The following TENM2 variants were observed in gnomAD, a reference collection of about 807,000 sequenced individuals.
The protein encoded by TENM2 is teneurin transmembrane protein 2.
A neutral mutation model predicts 245.2 loss-of-function variants in TENM2; 52 were observed. The ratio of observed to expected loss-of-function variants is 0.21; its 90% CI spans 0.17 to 0.27. The LOEUF is 0.27. Ranked by LOEUF, TENM2 falls within the 10% of genes least tolerant of loss-of-function variation. TENM2 has a pLI of 1.00. For synonymous variants in TENM2, 1,363 were observed against 1,438.9 expected (o/e 0.95, Z 1.19); for missense variants, 3,046 against 3,666.8 (o/e 0.83, Z 4.37).
At chr5:168,002,269 G>A (rs1037495216) in intron 5 of TENM2, among the ~76,000 whole-genome samples, 4 of 152,108 alleles carry the variant, frequency 2.6e-5, no homozygotes, top group Admixed American at 6.5e-5. Flanking sequence ...GGGGAGATTC[G>A]TGCAAACATG....
In TENM2 at chr5:168,062,154, G is replaced by A. The variant is rs941694407; in HGVS notation, c.1404G>A (p.Arg468=). 3 of 1,613,514 alleles carry A rather than the reference G, an allele frequency of 1.9e-6. No individual in the cohort carries two copies. The Admixed American group carries it at 5.0e-5, about 27-fold the overall frequency. The stretch of plus-strand genomic sequence containing the variant: ...AAGTCCCACCAGGGGTGTTTTGGAG[G>A]TCACAAATTCACATCAGTCAGCCCC... Residue 468 remains arginine (R), a synonymous_variant, in exon 7 of 29, where the codon AGG becomes AGA. Transcript: ENST00000518659.
chr5:167,406,165 A>G (rs1762627241), intron 2 of TENM2, among the ~76,000 whole-genome samples: 1 of 151,934 alleles, frequency 6.6e-6, no homozygotes, highest in African/African-American at 2.4e-5. Flanking sequence ...AAACGAATAG[A>G]CTCTTGTTTA....
At chr5:167,207,747 G>A in the TENM2 span, among the ~76,000 whole-genome samples, 1 of 152,164 alleles carries the variant, frequency 6.6e-6, no homozygotes, top group Non-Finnish European at 1.5e-5. Flanking sequence ...ACTACTGAGG[G>A]TATATTCTCT....
At chr5:167,500,002 ATGTGTG>A (rs372282137) in intron 2 of TENM2, among the ~76,000 whole-genome samples, 1 of 63,274 alleles carries the variant, frequency 1.6e-5, no homozygotes, top group African/African-American at 6.5e-5. Context: ...GTGAGGGTGT[ATGTGTG>A]TGTGTATGTG....
intron 4 of TENM2, among the ~76,000 whole-genome samples, chr5:167,971,594 G>A (rs557611848): frequency 5.3e-5 from 8 of 152,186 alleles, no homozygotes; most frequent in Admixed American, 3.9e-4. Context: ...CCAGCTACTT[G>A]GGAGGCTGAG....
At chr5:168,079,292 C>T (rs1791763325) in intron 7 of TENM2, among the ~76,000 whole-genome samples, 1 of 152,234 alleles carries the variant, frequency 6.6e-6, no homozygotes, top group African/African-American at 2.4e-5. Flanking sequence ...TATCCTGAGA[C>T]TTTGCTGAAG....
chr5:167,956,278 A>G (rs1399768752), intron 4 of TENM2, among the ~76,000 whole-genome samples: 1 of 151,996 alleles, frequency 6.6e-6, no homozygotes, highest in Non-Finnish European at 1.5e-5. Context: ...TTTGTCTGTT[A>G]TTGGTGTATA....
At chr5:167,695,961 G>A (rs1261793855) in intron 2 of TENM2, among the ~76,000 whole-genome samples, 3 of 151,772 alleles carry the variant, frequency 2.0e-5, no homozygotes, top group African/African-American at 7.3e-5. Context: ...GTGAACCTGG[G>A]AGGTGGAGCT....
At chr5:167,318,235 G>A (rs1415542711) in intron 1 of TENM2, among the ~76,000 whole-genome samples, 4 of 152,130 alleles carry the variant, frequency 2.6e-5, no homozygotes, top group African/African-American at 9.7e-5. Context: ...AGTGACAATC[G>A]TGTTGGTAAT....
chr5:167,911,605 G>T (rs1447479174), intron 3 of TENM2, among the ~76,000 whole-genome samples: 1 of 152,208 alleles, frequency 6.6e-6, no homozygotes, highest in Non-Finnish European at 1.5e-5. Flanking sequence ...CCTACCCTAG[G>T]TTACACATTG....
chr5:168,191,636 T>G (rs193004385), intron 14 of TENM2, among the ~76,000 whole-genome samples: 24 of 152,212 alleles, frequency 1.6e-4, no homozygotes, highest in African/African-American at 5.5e-4. Flanking sequence ...GCCATCTTTG[T>G]CTTATTTCTC....
chr5:167,909,466 C>T (rs1403882854), intron 3 of TENM2, among the ~76,000 whole-genome samples: 1 of 152,188 alleles, frequency 6.6e-6, no homozygotes, highest in African/African-American at 2.4e-5. Flanking sequence ...TGCACTGCCA[C>T]TGTAAAATTA....
In TENM2 at chr5:167,895,555, G is replaced by A. The variant is rs140379254; in HGVS notation, c.712+19360G>A. Among the ~76,000 whole-genome samples, 446 of 152,204 alleles carry A rather than the reference G, an allele frequency of 2.9e-3. 1 individual carries two copies. Among genetic ancestry groups the A allele is most frequent in the Non-Finnish European group, 5.5e-3 (374 of 68,014 alleles). On this transcript the variant is annotated intron_variant, in intron 3 of 28. Transcript: ENST00000518659. ...TCTTCTCACTGCTATGTACTACTTC[G>A]CAAAATATTACTTCTAATTAATTAA...
chr5:167,917,938 T>C (rs1025746273), intron 3 of TENM2, among the ~76,000 whole-genome samples: 2 of 152,044 alleles, frequency 1.3e-5, no homozygotes, highest in Non-Finnish European at 2.9e-5. Flanking sequence ...TATTATTCTA[T>C]TATTATTATT....
chr5:167,452,948 T>TTTTTTTTTTTTTTAA (rs1554157741), intron 2 of TENM2, among the ~76,000 whole-genome samples: 7 of 47,530 alleles, frequency 1.5e-4, no homozygotes, highest in African/African-American at 4.7e-4. Flanking sequence ...TATATATATA[T>TTTTTTTTTTTTTTAA]ATATATATAT....
intron 2 of TENM2, among the ~76,000 whole-genome samples, chr5:167,690,910 C>T (rs1372134029): frequency 6.1e-5 from 7 of 114,442 alleles, no homozygotes; most frequent in Admixed American, 1.8e-4. Flanking sequence ...TATATATATC[C>T]GTATATGCGA....
chr5:167,159,027 A>T, the TENM2 span, among the ~76,000 whole-genome samples: 1 of 147,966 alleles, frequency 6.8e-6, no homozygotes, highest in Non-Finnish European at 1.5e-5. Flanking sequence ...ATCTCAGCTC[A>T]CTGCCACCTC....
At chr5:167,244,105 A>G in the TENM2 span, among the ~76,000 whole-genome samples, 1 of 152,172 alleles carries the variant, frequency 6.6e-6, no homozygotes, top group African/African-American at 2.4e-5. Flanking sequence ...GCAGTTTACT[A>G]AAGATTAAGT....
At chr5:167,225,585 G>T in the TENM2 span, among the ~76,000 whole-genome samples, 1 of 151,722 alleles carries the variant, frequency 6.6e-6, no homozygotes. Context: ...GTTGAGAATT[G>T]TTTGGTTCTA....
Sources: gnomAD v4.1 joint callset for allele counts (sites outside exome capture counted in the v4.1 genomes callset) on GRCh38, gnomAD v4.1.1 for gene constraint, MANE v1.5 for transcripts, NCBI Gene and HGNC (gene_info 2026-07-23, HGNC 2026-07-21) for gene names.